The following USP31 variants were observed in gnomAD, a reference collection of about 807,000 sequenced individuals.
The protein encoded by USP31 is ubiquitin specific peptidase 31, also known as ubiquitin carboxyl-terminal hydrolase 31.
USP31 carries 44 observed loss-of-function variants against 119.4 expected under a neutral mutation model. The observed-to-expected ratio is 0.37, with a 90% CI of 0.29 to 0.47. USP31 has a LOEUF of 0.47. USP31 is among the 20% of genes least tolerant of loss of function. The pLI is 0.99. For missense variants in USP31, 1,643 were observed against 1,730.2 expected (o/e 0.95, Z 0.89); for synonymous variants, 749 against 705.6 (o/e 1.06, Z -0.97).
intron 7 of USP31, among the ~76,000 whole-genome samples, chr16:23,088,159 G>A (rs1353161171): frequency 2.0e-5 from 3 of 152,152 alleles, no homozygotes; most frequent in African/African-American, 7.2e-5. Flanking sequence ...AACAGCACAG[G>A]TCGAACTCAT....
intron 1 of USP31, among the ~76,000 whole-genome samples, chr16:23,143,867 A>T (rs1903429045): frequency 6.6e-6 from 1 of 152,072 alleles, no homozygotes. Flanking sequence ...GACATCGACA[A>T]ATGTCCCAGG....
At chr16:23,134,776 T>C (rs1903137854) in intron 1 of USP31, among the ~76,000 whole-genome samples, 1 of 151,284 alleles carries the variant, frequency 6.6e-6, no homozygotes, top group Admixed American at 6.6e-5. Context: ...AAAGGTCAGG[T>C]TAAAAAATAT....
intron 6 of USP31, among the ~76,000 whole-genome samples, chr16:23,100,240 T>C (rs550808876): frequency 1.3e-5 from 2 of 152,296 alleles, no homozygotes; most frequent in Admixed American, 6.5e-5. Context: ...AGGAGCATTA[T>C]TCACATTAGC....
chr16:23,143,732 G>A (rs1370726253), intron 1 of USP31, among the ~76,000 whole-genome samples: 1 of 152,132 alleles, frequency 6.6e-6, no homozygotes, highest in Non-Finnish European at 1.5e-5. Context: ...GACACTTTGG[G>A]GTGAAAACCC....
At chr16:23,095,749 C>T (rs904499566) in intron 6 of USP31, among the ~76,000 whole-genome samples, 1 of 152,128 alleles carries the variant, frequency 6.6e-6, no homozygotes, top group Admixed American at 6.6e-5. Flanking sequence ...CCAAACTAAG[C>T]TTCATAAGTG....
intron 1 of USP31, among the ~76,000 whole-genome samples, chr16:23,147,606 A>C (rs1480558381): frequency 6.6e-6 from 1 of 152,174 alleles, no homozygotes; most frequent in Non-Finnish European, 1.5e-5. Context: ...CCCCACCAGC[A>C]AACAGCAAAG....
intron 5 of USP31, among the ~76,000 whole-genome samples, chr16:23,105,125 T>C (rs1025170817): frequency 4.6e-5 from 7 of 152,232 alleles, no homozygotes; most frequent in Non-Finnish European, 1.0e-4. Flanking sequence ...GCGAGGACGC[T>C]CCACTGCCCA....
At chr16:23,125,021 T>C (rs1902804951) in intron 1 of USP31, among the ~76,000 whole-genome samples, 1 of 152,228 alleles carries the variant, frequency 6.6e-6, no homozygotes, top group Non-Finnish European at 1.5e-5. Context: ...CACTTAACTA[T>C]GGTGATATTT....
chr16:23,112,553 C>T (rs1454536477), intron 1 of USP31, among the ~76,000 whole-genome samples: 1 of 151,190 alleles, frequency 6.6e-6, no homozygotes, highest in Non-Finnish European at 1.5e-5. Context: ...CCAGCTTGGA[C>T]GAGAAGAGTG....
chr16:23,143,890 G>A (rs1567250472), intron 1 of USP31, among the ~76,000 whole-genome samples: 1 of 152,142 alleles, frequency 6.6e-6, no homozygotes. Context: ...GTGGGGGCAG[G>A]GTGGGGTGAG....
intron 15 of USP31, 112 bp from the exon 16 acceptor site, chr16:23,069,728 G>A: frequency 7.3e-7 from 1 of 1,378,000 alleles, no homozygotes; most frequent in Non-Finnish European, 9.6e-7. Flanking sequence ...AAAGGAGCAT[G>A]ACCTTCAGAG....
chr16:23,133,792 T>C (rs765107064), intron 1 of USP31, among the ~76,000 whole-genome samples: 1 of 152,000 alleles, frequency 6.6e-6, no homozygotes, highest in African/African-American at 2.4e-5. Flanking sequence ...TTCACACAGA[T>C]TGGCCAGGCG....
Position 23,092,437 on chromosome 16 carries a change from G to A in USP31, c.1235-1633C>T, listed in dbSNP as rs369409713. On this transcript the variant is annotated intron_variant, in intron 6 of 15. Coordinates refer to ENST00000219689, the MANE Select transcript of USP31 (RefSeq NM_020718.4). ...AGCAAAATGTGGCCCCAGCTCCAGA[G>A]AACTTCACAGTGTGGTGGGAAGGAC... Among the ~76,000 whole-genome samples, 300 of 152,290 alleles carry A rather than the reference G, an allele frequency of 2.0e-3. 5 individuals are homozygous for A. The highest frequency in any genetic ancestry group is 6.8e-3 in the African/African-American group (282 of 41,554).
chr16:23,107,442 C>G (rs371568145), intron 2 of USP31, among the ~76,000 whole-genome samples: 2 of 152,106 alleles, frequency 1.3e-5, no homozygotes, highest in Non-Finnish European at 2.9e-5. Flanking sequence ...TAAAACTTAC[C>G]AAACTTAGAA....
intron 8 of USP31, among the ~76,000 whole-genome samples, 167 bp downstream of exon 8, chr16:23,087,557 T>C (rs555126673): frequency 1.6e-4 from 24 of 152,342 alleles, no homozygotes; most frequent in Middle Eastern, 3.4e-3. Context: ...TAAAGGAATA[T>C]GCAGCAGTTC....
Position 23,146,054 on chromosome 16 carries a change from A to C in USP31, c.633+2584T>G, listed in dbSNP as rs1006683875. On this transcript the variant is annotated intron_variant, in intron 1 of 15. Transcript: ENST00000219689. ...TTTCTGTTCACAGCTTAATGGATAA[A>C]AAAGTGAACACAAACTCATAAAAAG... is the stretch of plus-strand genomic sequence containing the variant. Among the ~76,000 whole-genome samples, 3 of 152,336 alleles carry C rather than the reference A, an allele frequency of 2.0e-5. No homozygotes were observed. In the East Asian group the frequency reaches 5.8e-4, roughly 29 times the overall value.
chr16:23,080,068 A>C lies in USP31; in HGVS notation c.2054T>G (p.Leu685Trp), dbSNP rs770872094. ...TCTCCACGGGGACCAATGCGATGGC[A>C]AACTCCAGCTGCTCTGGCTCCTCTT... ...VVKRSQSSWS[L>W]PSHWSPWRRP... The change falls in exon 13 of 16, where the codon TTG (leucine) becomes TGG (tryptophan). Residue 685 changes from leucine (L) to tryptophan (W), a missense_variant. Physicochemically the swap from Leu to Trp is moderately conservative, Grantham distance 61. This residue lies in a region of USP31 where 279 missense variants were observed against 372.2 expected (regional missense o/e 0.75). Coordinates refer to ENST00000219689, the MANE Select transcript of USP31 (RefSeq NM_020718.4). 1 of 1,614,036 alleles carries C rather than the reference A, an allele frequency of 6.2e-7. No individual in the cohort carries two copies. Among genetic ancestry groups the C allele is most frequent in the Non-Finnish European group, 8.5e-7 (1 of 1,179,966 alleles).
chr16:23,149,035 C>A lies in USP31; in HGVS notation c.236G>T (p.Ser79Ile). The change falls in exon 1 of 16, where the codon AGC becomes ATC. Residue 79 changes from serine (S) to isoleucine (I), a missense_variant. By Grantham distance (142) the Ser-to-Ile change is moderately radical (BLOSUM62 -2). This residue lies in a region of USP31 where 302 missense variants were observed against 262.6 expected (regional missense o/e 1.15). Coordinates refer to ENST00000219689, the MANE Select transcript of USP31 (RefSeq NM_020718.4). The stretch of plus-strand genomic sequence containing the variant: ...GCGGTCTGGGGCGGCGCCCTCAGAG[C>A]TAAGGTGCGAGAGCGTGGACAGCGT... ...LKTLSTLSHL[S>I]SEGAAPDRGG... 8.2e-7 allele frequency: 1 copy of A among 1,220,204 alleles called. No individual in the cohort carries two copies. The highest frequency in any genetic ancestry group is 1.0e-6 in the Non-Finnish European group (1 of 955,352). The allele number at this position is 1,220,204 out of a possible 1,614,324, so 75.6% of individuals were successfully genotyped here. A position where few individuals can be genotyped will look rare whatever the true frequency, so the allele number is the denominator to read the frequency against.
In USP31 at chr16:23,065,725, C is replaced by T. The variant is rs749263232; in HGVS notation, c.*2321G>A. The T allele has an allele frequency of 2.6e-5, 4 of 151,448 alleles. No homozygotes were observed. Among genetic ancestry groups the T allele is most frequent in the Non-Finnish European group, 5.9e-5 (4 of 67,906 alleles). The allele number at this position is 151,448 out of a possible 1,614,324, so 9.4% of individuals were successfully genotyped here. A position where few individuals can be genotyped will look rare whatever the true frequency, so the allele number is the denominator to read the frequency against. ...TTTTTTTTTTTAAGTCACTAGACAT[C>T]GTGGAAAATCCATTCCTAGATAACT... On this transcript the variant is annotated 3_prime_UTR_variant, in exon 16 of 16. Transcript: ENST00000219689.
Sources: gnomAD v4.1 joint callset for allele counts (sites outside exome capture counted in the v4.1 genomes callset) on GRCh38, gnomAD v4.1.1 for gene constraint, gnomAD v4.1.1 regional missense constraint, MANE v1.5 for transcripts, NCBI Gene and HGNC (gene_info 2026-07-23, HGNC 2026-07-21) for gene names.